The following AOPEP variants were observed in gnomAD, a reference collection of about 807,000 sequenced individuals.
The protein encoded by AOPEP is aminopeptidase O (putative).
In AOPEP, 77 loss-of-function variants were observed where a neutral mutation model predicts 98.1. The observed-to-expected ratio is 0.78, with a 90% confidence interval of 0.65 to 0.95. The LOEUF is 0.95. Ranked by LOEUF, AOPEP falls within the 40% of genes least tolerant of loss-of-function variation. The pLI is 0.00. For missense variants in AOPEP, 1,024 were observed against 1,024.7 expected (o/e 1.00, Z 0.01); for synonymous variants, 346 against 365.3 (o/e 0.95, Z 0.60).
intron 14 of AOPEP, among the ~76,000 whole-genome samples, chr9:95,073,364 C>T (rs931532163): frequency 5.9e-5 from 9 of 151,684 alleles, no homozygotes; most frequent in South Asian, 2.1e-4. Flanking sequence ...CTCTGGAAGC[C>T]GAGCTTGTAT....
intron 7 of AOPEP, chr9:94,932,819 T>G (rs1305646848): frequency 1.0e-6 from 1 of 985,294 alleles, no homozygotes; most frequent in East Asian, 1.1e-4. Flanking sequence ...TGTGTTTCCT[T>G]TGTATCCGAT....
Position 95,080,792 on chromosome 9 carries a change from CTTT to C in AOPEP, c.2319+13_2319+15del. ...TTCAGGAGGATCAGGTAGGTGTCAT[CTTT>C]CAGCAGATGGGGATTCTGTAAAGGC... is the stretch of plus-strand genomic sequence containing the variant. On this transcript the variant is annotated intron_variant, in intron 15 of 16. Coordinates refer to ENST00000375315, the MANE Select transcript of AOPEP (RefSeq NM_001193329.3). 6.3e-7 allele frequency: 1 copy of C among 1,593,040 alleles called. No homozygotes were observed. Among genetic ancestry groups the C allele is most frequent in the Non-Finnish European group, 8.6e-7 (1 of 1,160,674 alleles).
the AOPEP span, chr9:95,149,861 C>T: frequency 2.6e-4 from 396 of 1,530,894 alleles, no homozygotes; most frequent in Non-Finnish European, 3.3e-4. Flanking sequence ...CTTTCCAACA[C>T]ACCACAGCCT....
At chr9:94,915,717 T>A (rs539859538) in intron 5 of AOPEP, among the ~76,000 whole-genome samples, 114 of 152,350 alleles carry the variant, frequency 7.5e-4, no homozygotes, top group African/African-American at 2.6e-3. Context: ...GTGTCTGCTT[T>A]CACCAGCCCA....
chr9:94,910,940 G>A, intron 5 of AOPEP, among the ~76,000 whole-genome samples: 1 of 152,240 alleles, frequency 6.6e-6, no homozygotes, highest in Non-Finnish European at 1.5e-5. Flanking sequence ...TACCTAATAA[G>A]CATCCTGGGG....
chr9:94,786,361 G>A (rs548049511), intron 3 of AOPEP, among the ~76,000 whole-genome samples: 2 of 152,354 alleles, frequency 1.3e-5, no homozygotes, highest in South Asian at 4.1e-4. Context: ...AACCCTAGCT[G>A]TCAGATTCCA....
intron 7 of AOPEP, chr9:94,931,890 C>T (rs1564401983): frequency 8.0e-7 from 1 of 1,243,208 alleles, no homozygotes; most frequent in Non-Finnish European, 1.1e-6. Flanking sequence ...AGTCCTTCCT[C>T]ACCTCTCTTG....
intron 14 of AOPEP, among the ~76,000 whole-genome samples, chr9:95,067,626 G>A (rs983680019): frequency 6.6e-6 from 1 of 152,128 alleles, no homozygotes; most frequent in Admixed American, 6.5e-5. Context: ...AGTACCCTTC[G>A]CTGAAACAGC....
chr9:95,041,263 G>A (rs2065265402), intron 13 of AOPEP, among the ~76,000 whole-genome samples: 1 of 152,112 alleles, frequency 6.6e-6, no homozygotes, highest in Admixed American at 6.5e-5. Context: ...TGTAGCAAGA[G>A]TGACTTGCGC....
chr9:95,052,722 T>C (rs776967109), intron 13 of AOPEP, among the ~76,000 whole-genome samples: 1 of 152,230 alleles, frequency 6.6e-6, no homozygotes, highest in Admixed American at 6.5e-5. Flanking sequence ...TAGGAAGTTA[T>C]AGAAAGGAAG....
chr9:94,762,268 A>G (rs1838495442), intron 2 of AOPEP, among the ~76,000 whole-genome samples: 6 of 152,144 alleles, frequency 3.9e-5, no homozygotes, highest in Admixed American at 3.9e-4. Context: ...TAACACGGTG[A>G]AACCCTGTCT....
chr9:95,100,368 G>A, the AOPEP span: 143 of 231,602 alleles, frequency 6.2e-4, no homozygotes, highest in Non-Finnish European at 1.0e-3. Flanking sequence ...GATCTTCAGT[G>A]GATCTATTAG....
chr9:94,933,428 A>G (rs946749905), intron 7 of AOPEP: 20 of 985,352 alleles, frequency 2.0e-5, no homozygotes, highest in East Asian at 1.1e-4. Context: ...GTTAAATTCA[A>G]GCTCCTGCTG....
At chr9:94,787,963 C>G (rs1279669245) in intron 3 of AOPEP, among the ~76,000 whole-genome samples, 1 of 152,134 alleles carries the variant, frequency 6.6e-6, no homozygotes, top group African/African-American at 2.4e-5. Context: ...AGTAATTTAG[C>G]TGTCCTCCTC....
At chr9:94,955,772 G>T in intron 8 of AOPEP, 136 bp from the exon 9 acceptor site, 2 of 587,058 alleles carry the variant, frequency 3.4e-6, no homozygotes, top group Non-Finnish European at 3.0e-6. Flanking sequence ...AAAATGGAAA[G>T]GGCAGCCAGG....
intron 5 of AOPEP, among the ~76,000 whole-genome samples, chr9:94,901,568 A>G (rs1411942093): frequency 6.6e-6 from 1 of 152,130 alleles, no homozygotes. Flanking sequence ...GCTAGCCACA[A>G]GAGAAAAAAC....
intron 5 of AOPEP, among the ~76,000 whole-genome samples, chr9:94,810,606 C>T (rs373683761): frequency 1.3e-4 from 19 of 151,192 alleles, no homozygotes; most frequent in East Asian, 3.9e-4. Context: ...TCAGCCACTG[C>T]GCCTGGCCTT....
rs569651599 is a variant in AOPEP at position 94,928,251 on chromosome 9, T to C, written c.1555-174T>C. Among the ~76,000 whole-genome samples, 76 of 152,230 alleles carry C rather than the reference T, an allele frequency of 5.0e-4. 1 individual carries two copies. The highest frequency in any genetic ancestry group is 1.0e-3 in the Non-Finnish European group (69 of 68,010). ...AGCACAAGCGAGCGTGCACGGTTGG[T>C]TTTTTGTTTTAGGCACTAAGAGGCT... is the stretch of plus-strand genomic sequence containing the variant. On this transcript the variant is annotated intron_variant, in intron 6 of 16. Coordinates refer to ENST00000375315, the MANE Select transcript of AOPEP (RefSeq NM_001193329.3).
At chr9:94,908,270 G>A (rs1216458415) in intron 5 of AOPEP, among the ~76,000 whole-genome samples, 1 of 152,118 alleles carries the variant, frequency 6.6e-6, no homozygotes, top group Non-Finnish European at 1.5e-5. Flanking sequence ...TTTAGCCCAG[G>A]AGCCCTGCTG....
Sources: allele counts gnomAD v4.1 joint callset (sites outside exome capture counted in the v4.1 genomes callset), GRCh38; gene constraint gnomAD v4.1.1; transcripts MANE v1.5; gene names NCBI Gene and HGNC (gene_info 2026-07-23, HGNC 2026-07-21).